Variants in SPG11 observed in about 807,000 individuals in gnomAD.
SPG11 encodes SPG11 vesicle trafficking associated, spatacsin.
In SPG11, 222 loss-of-function variants were observed where a neutral mutation model predicts 274.0. That is an observed-to-expected ratio of 0.81 (90% confidence interval 0.73 to 0.91). The LOEUF is 0.91. SPG11 is among the 40% of genes least tolerant of loss of function. The pLI, the probability that SPG11 is intolerant of heterozygous loss-of-function variation, is 0.00. For synonymous variants in SPG11, 1,144 were observed against 1,039.7 expected (o/e 1.10, Z -1.93); for missense variants, 3,114 against 2,872.7 (o/e 1.08, Z -1.92).
chr15:44,611,022 G>A (rs760162900), intron 17 of SPG11, 37 bp from the exon 18 acceptor site: 1 of 1,542,640 alleles, frequency 6.5e-7, no homozygotes, highest in East Asian at 2.6e-5. Flanking sequence ...TCCTTAAGAG[G>A]GATAAATACT....
chr15:44,604,962 T>TAAAAAAA (rs2083284644), intron 20 of SPG11, among the ~76,000 whole-genome samples: 1 of 122,120 alleles, frequency 8.2e-6, no homozygotes, highest in African/African-American at 3.3e-5. Context: ...AAAAAAAAAG[T>TAAAAAAA]ATTACATTTT....
intron 28 of SPG11, among the ~76,000 whole-genome samples, chr15:44,587,208 G>A (rs1345296244): frequency 1.3e-5 from 2 of 152,166 alleles, no homozygotes; most frequent in East Asian, 3.9e-4. Flanking sequence ...AACAATTTAT[G>A]TGGCTGAGTT....
intron 21 of SPG11, 52 bp from the exon 22 acceptor site, chr15:44,598,888 C>T: frequency 1.3e-6 from 2 of 1,546,238 alleles, no homozygotes; most frequent in Non-Finnish European, 1.8e-6. Context: ...TTATGTCTCA[C>T]CAGGAAAAGC....
intron 19 of SPG11, 62 bp downstream of exon 19, chr15:44,608,382 T>G: frequency 1.3e-6 from 2 of 1,542,592 alleles, no homozygotes; most frequent in Non-Finnish European, 1.8e-6. Context: ...AGATCTAGAG[T>G]GATTTCTGTT....
At chr15:44,586,083 C>T (rs1236556219) in intron 28 of SPG11, among the ~76,000 whole-genome samples, 3 of 142,744 alleles carry the variant, frequency 2.1e-5, no homozygotes, top group Non-Finnish European at 4.5e-5. Context: ...CTCCTGGGTT[C>T]AAGGGATCCT....
intron 8 of SPG11, 25 bp from the exon 9 acceptor site, chr15:44,629,413 C>T (rs1172336679): frequency 6.2e-7 from 1 of 1,608,534 alleles, no homozygotes; most frequent in Non-Finnish European, 8.5e-7. Flanking sequence ...AAGAAATTAA[C>T]ATAAAGAACA....
chr15:44,651,991 T>C (rs778340457), intron 5 of SPG11, 52 bp from the exon 6 acceptor site: 30 of 1,580,322 alleles, frequency 1.9e-5, no homozygotes, highest in Non-Finnish European at 2.4e-5. Flanking sequence ...AAAGGCACTA[T>C]GTAAAACACT....
At chr15:44,593,152 C>CA (rs746299657) in intron 26 of SPG11, among the ~76,000 whole-genome samples, 3 of 152,182 alleles carry the variant, frequency 2.0e-5, no homozygotes, top group Non-Finnish European at 4.4e-5. Flanking sequence ...TGCACACAGG[C>CA]AGGAAGCATT....
intron 7 of SPG11, among the ~76,000 whole-genome samples, chr15:44,636,690 G>A (rs531210951): frequency 5.4e-4 from 82 of 151,364 alleles, no homozygotes; most frequent in African/African-American, 1.9e-3. Context: ...AATGTGGTTT[G>A]GGAGAAAGGC....
intron 28 of SPG11, among the ~76,000 whole-genome samples, chr15:44,587,707 A>AAAAAAAAAAAAAAAAAAC (rs1567141701): frequency 6.6e-6 from 1 of 150,668 alleles, no homozygotes; most frequent in African/African-American, 2.5e-5. Flanking sequence ...AAAAAAAAAA[A>AAAAAAAAAAAAAAAAAAC]AAAAAAAAAA....
intron 30 of SPG11, among the ~76,000 whole-genome samples, chr15:44,579,027 G>A (rs1267612941): frequency 6.6e-6 from 1 of 151,740 alleles, no homozygotes; most frequent in Non-Finnish European, 1.5e-5. Context: ...GTGTGGTGGT[G>A]CACACCTGTA....
At chr15:44,657,395 TTG>T in intron 3 of SPG11, 99 bp from the exon 4 acceptor site, 1 of 1,113,680 alleles carries the variant, frequency 9.0e-7, no homozygotes, top group East Asian at 2.5e-5. Flanking sequence ...CACTCCAATT[TTG>T]TAGGTATAAC....
intron 30 of SPG11, among the ~76,000 whole-genome samples, chr15:44,579,709 T>C (rs2082621267): frequency 6.6e-6 from 1 of 151,912 alleles, no homozygotes; most frequent in Non-Finnish European, 1.5e-5. Context: ...AACAGAAAAA[T>C]GGAAAGTCTC....
Position 44,585,814 on chromosome 15 carries a change from A to C in SPG11, c.4943T>G (p.Ile1648Ser). Residue 1648 changes from isoleucine to serine, a missense_variant, in exon 29 of 40, where the codon ATT becomes AGT. By Grantham distance (142) the Ile-to-Ser change is moderately radical. Coordinates refer to ENST00000261866, the MANE Select transcript of SPG11 (RefSeq NM_025137.4). ...DVKKLCILCQ[I>S]LKDTSIAINH... is the part of the protein sequence containing the mutation. ...AATGGCTATGGATGTATCCTTCAAA[A>C]TCTGGCAAAGGATGCAAAGCTTTTT... 6.2e-7 allele frequency: 1 copy of C among 1,613,966 alleles called. No individual in the cohort carries two copies. The highest frequency in any genetic ancestry group is 8.5e-7 in the Non-Finnish European group (1 of 1,179,976).
chr15:44,644,603 G>A (rs974803466), intron 7 of SPG11, among the ~76,000 whole-genome samples: 6 of 152,082 alleles, frequency 3.9e-5, no homozygotes, highest in Non-Finnish European at 8.8e-5. Context: ...GAAATAAAAG[G>A]CATCCAAATA....
At chr15:44,607,133 G>A (rs951921658) in intron 19 of SPG11, among the ~76,000 whole-genome samples, 2 of 152,228 alleles carry the variant, frequency 1.3e-5, no homozygotes, top group Non-Finnish European at 2.9e-5. Context: ...AGTGTACTTA[G>A]GGACACAGCA....
chr15:44,574,648 G>A (rs1304297001), intron 31 of SPG11, among the ~76,000 whole-genome samples: 2 of 152,158 alleles, frequency 1.3e-5, no homozygotes, highest in African/African-American at 2.4e-5. Context: ...TATAGATGAC[G>A]AAACAGGGGC....
At chr15:44,591,230 G>C (rs1309004425) in intron 27 of SPG11, among the ~76,000 whole-genome samples, 1 of 152,192 alleles carries the variant, frequency 6.6e-6, no homozygotes, top group Non-Finnish European at 1.5e-5. Context: ...CTGGTAGTCA[G>C]CTCACTAAAT....
rs758854069 is a variant in SPG11, at chr15:44,595,252, T to TCA, written c.4635+5_4635+6dup. 2 of 1,613,796 alleles carry TCA rather than the reference T, an allele frequency of 1.2e-6. No homozygotes were observed. The highest frequency in any genetic ancestry group is 4.5e-5 in the East Asian group (2 of 44,888). ...GCTCTGGAAAGAAGTGAAGCAACTATCACTACCTTAAAGAAAAGCTGGAAA... is the reference window on the plus strand; with the variant it reads ...GCTCTGGAAAGAAGTGAAGCAACTATCACACTACCTTAAAGAAAAGCTGGAAA... On this transcript the variant is annotated splice_region_variant and intron_variant, in intron 26 of 39. Transcript: ENST00000261866.
Sources: gnomAD v4.1 joint callset for allele counts (sites outside exome capture counted in the v4.1 genomes callset) on GRCh38, gnomAD v4.1.1 for gene constraint, MANE v1.5 for transcripts, NCBI Gene and HGNC (gene_info 2026-07-23, HGNC 2026-07-21) for gene names.